Variants in POTED observed in about 807,000 individuals in gnomAD.
POTED encodes ANKRD26-like family B member 3.
In POTED, 7 loss-of-function variants were observed where a neutral mutation model predicts 19.0. The observed-to-expected ratio is 0.37, with a 90% CI of 0.21 to 0.69. The LOEUF (loss-of-function observed/expected upper bound fraction) is 0.69, where lower values mean the gene tolerates loss of function less well. Among genes scored for constraint, POTED ranks in the 30% least tolerant of loss-of-function variants. POTED has a pLI of 0.56. For missense variants in POTED, 54 were observed against 278.5 expected, an observed-to-expected ratio of 0.19 and a Z score of 5.74; for synonymous variants, 16 against 92.0, an observed-to-expected ratio of 0.17 and a Z score of 4.73.
intron 3 of POTED, among the ~76,000 whole-genome samples, chr21:13,616,177 CTGT>C (rs1453086649): frequency 2.4e-5 from 2 of 83,818 alleles, no homozygotes; most frequent in South Asian, 7.8e-4. Flanking sequence ...TGTGTTGTTA[CTGT>C]TGTTCATTCA....
chr21:13,610,531 G>T lies in POTED; in HGVS notation c.303G>T (p.Trp101Cys), dbSNP rs1340762511. The T allele has an allele frequency of 4.7e-6, 5 of 1,068,602 alleles. 1 individual carries two copies. The highest frequency in any genetic ancestry group is 6.0e-6 in the Non-Finnish European group (5 of 827,818). The allele number at this position is 1,068,602 out of a possible 1,614,324, so 66.2% of individuals were successfully genotyped here. A position where few individuals can be genotyped will look rare whatever the true frequency, so the allele number is the denominator to read the frequency against. Residue 101 changes from tryptophan (W) to cysteine (C), a missense_variant, in exon 1 of 11, where the codon TGG becomes TGT. Physicochemically the swap from Trp to Cys is radical, Grantham distance 215. Coordinates refer to ENST00000299443, the MANE Select transcript of POTED (RefSeq NM_174981.6). ...MKMLRSKMGKWCCHCFPCCRG... is the reference protein window; with the variant it reads ...MKMLRSKMGKCCCHCFPCCRG... The stretch of plus-strand genomic sequence containing the variant: ...TGCTCAGGAGCAAGATGGGCAAGTG[G>T]TGCTGTCACTGCTTCCCCTGCTGCA...
At chr21:13,636,411 T>A (rs2011234670) in intron 9 of POTED, among the ~76,000 whole-genome samples, 1 of 73,954 alleles carries the variant, frequency 1.4e-5, no homozygotes, top group Non-Finnish European at 2.3e-5. Context: ...ACTCTCTTTT[T>A]AAATTCCTTT....
At position 13,610,796 on chromosome 21, in the gene POTED, G is replaced by A. The variant is rs1274605940; in HGVS notation, c.521+47G>A. ...GGAGGCAGGACATGGGGGGATGATG[G>A]GGACATACCCTCCTGGCGCAGGGAG... On this transcript the variant is annotated intron_variant, in intron 1 of 10. Coordinates refer to ENST00000299443, the MANE Select transcript of POTED (RefSeq NM_174981.6). 2 of 1,063,844 alleles carry A rather than the reference G, an allele frequency of 1.9e-6. 1 individual carries two copies. The highest frequency in any genetic ancestry group is 2.4e-6 in the Non-Finnish European group (2 of 823,234). 65.9% of individuals were successfully genotyped at this position (1,063,844 alleles called of 1,614,324 possible).
chr21:13,616,138 TTG>T (rs61117870), intron 3 of POTED, among the ~76,000 whole-genome samples: 2,586 of 84,464 alleles, frequency 0.031, 663 homozygotes, highest in African/African-American at 0.11. Flanking sequence ...CATGAAGAGG[TTG>T]TGTGTGTGTG....
At position 13,643,661 on chromosome 21, in the gene POTED, C is replaced by T. The variant is rs1310383805; in HGVS notation, c.*2095C>T. The stretch of plus-strand genomic sequence containing the variant: ...GCCACACCTGCTTAGAGGGCACTTT[C>T]GGGTGCCCACACCATAGCTTCTGTA... On this transcript the variant is annotated 3_prime_UTR_variant, in exon 11 of 11. Transcript: ENST00000299443. 5.1e-4 allele frequency among the ~76,000 whole-genome samples: 36 copies of T among 70,686 alleles called. 8 individuals carry two copies. Among genetic ancestry groups the T allele is most frequent in the Admixed American group, 3.7e-3 (31 of 8,490 alleles). The allele number at this position is 70,686 out of a possible 152,430, so 46.4% of individuals were successfully genotyped here.
intron 9 of POTED, among the ~76,000 whole-genome samples, chr21:13,636,611 A>G (rs1464229454): frequency 1.3e-5 from 1 of 79,118 alleles, no homozygotes; most frequent in Non-Finnish European, 2.2e-5. Context: ...AAAAATTGCT[A>G]TCTTTGAAAT....
In POTED at chr21:13,640,767, G is replaced by A. The variant is rs965254387; in HGVS notation, c.1534-578G>A. Reference sequence around the variant, plus strand: ...AGAATCGTGATCCTAAATGAGTTGAGTGTTGTATGTAGAAGTGCAATGCTT... The same window carrying A: ...AGAATCGTGATCCTAAATGAGTTGAATGTTGTATGTAGAAGTGCAATGCTT... On this transcript the variant is annotated intron_variant, in intron 10 of 10. Transcript: ENST00000299443. Among the ~76,000 whole-genome samples the A allele has an allele frequency of 1.0e-4, 3 of 29,880 alleles. 1 individual carries two copies. The highest frequency in any genetic ancestry group is 9.4e-4 in the Admixed American group (3 of 3,204). 19.6% of individuals were successfully genotyped at this position (29,880 alleles called of 152,430 possible).
intron 6 of POTED, among the ~76,000 whole-genome samples, chr21:13,627,345 A>T (rs1340855576): frequency 2.6e-5 from 1 of 39,020 alleles, no homozygotes; most frequent in Non-Finnish European, 4.2e-5. Context: ...CAGGAGAATG[A>T]GACAGAAGAA....
intron 1 of POTED, among the ~76,000 whole-genome samples, chr21:13,611,143 A>G (rs1330123461): frequency 2.5e-5 from 2 of 79,240 alleles, no homozygotes; most frequent in African/African-American, 9.9e-5. Flanking sequence ...AATAAAATCC[A>G]ATATGGATTT....
At chr21:13,637,580 G>T in intron 9 of POTED, among the ~76,000 whole-genome samples, 1 of 65,872 alleles carries the variant, frequency 1.5e-5, no homozygotes, top group Non-Finnish European at 2.6e-5. Flanking sequence ...TAGGTTGTTG[G>T]CTCACTTTGA....
In POTED at chr21:13,635,132, C is replaced by T. The variant is rs1250280111; in HGVS notation, c.1409+4025C>T. Reference sequence around the variant, plus strand: ...GGGTTTTTATTTTTCACTACCATATCCTCACTGCCTAGAAAAAGGCCTAGC... The same window carrying T: ...GGGTTTTTATTTTTCACTACCATATTCTCACTGCCTAGAAAAAGGCCTAGC... On this transcript the variant is annotated intron_variant, in intron 9 of 10. Coordinates refer to ENST00000299443, the MANE Select transcript of POTED (RefSeq NM_174981.6). Among the ~76,000 whole-genome samples the T allele has an allele frequency of 2.5e-5, 2 of 81,586 alleles. 1 individual carries two copies. Among genetic ancestry groups the T allele is most frequent in the Non-Finnish European group, 4.3e-5 (2 of 46,308 alleles). 53.5% of individuals were successfully genotyped at this position (81,586 alleles called of 152,430 possible).
In POTED at chr21:13,637,290, T is replaced by G. The variant is rs544882960; in HGVS notation, c.1410-2225T>G. On this transcript the variant is annotated intron_variant, in intron 9 of 10. Transcript: ENST00000299443. ...TCACCACATCCACACCAACATCTGC[T>G]GTTTTTTTTATTTTAGTAGTGACCA... 7.8e-3 allele frequency among the ~76,000 whole-genome samples: 566 copies of G among 72,984 alleles called. 255 individuals are homozygous for G. Among genetic ancestry groups the G allele is most frequent in the African/African-American group, 0.059 (534 of 8,990 alleles). The allele number at this position is 72,984 out of a possible 152,430, so 47.9% of individuals were successfully genotyped here. A position where few individuals can be genotyped will look rare whatever the true frequency, so the allele number is the denominator to read the frequency against.
chr21:13,645,352 A>G lies in POTED; in HGVS notation c.*3786A>G, dbSNP rs550497058. Among the ~76,000 whole-genome samples, 1,680 of 131,682 alleles carry G rather than the reference A, an allele frequency of 0.013. 271 individuals are homozygous for G. The highest frequency in any genetic ancestry group is 0.05 in the African/African-American group (1,611 of 32,036). The allele number at this position is 131,682 out of a possible 152,430, so 86.4% of individuals were successfully genotyped here. ...TTAAAGGCAGCTAGGGAGAAAGGCA[A>G]CATCACCTGCAAAGGGAATTCCATC... On this transcript the variant is annotated 3_prime_UTR_variant, in exon 11 of 11. Transcript: ENST00000299443.
chr21:13,619,403 A>G (rs76984047), intron 4 of POTED, among the ~76,000 whole-genome samples: 2 of 80,752 alleles, frequency 2.5e-5, no homozygotes, highest in Non-Finnish European at 4.5e-5. Context: ...CATGTACCCT[A>G]AAACTTAAAG....
At chr21:13,631,142 A>G (rs777632712) in intron 9 of POTED, 35 bp downstream of exon 9, 6 of 424,610 alleles carry the variant, frequency 1.4e-5, no homozygotes, top group East Asian at 1.3e-4. Flanking sequence ...GGAGATAACT[A>G]TATGCTGTCA....
rs2011159646 is a variant in POTED at position 13,617,457 on chromosome 21, C to T, written c.811-892C>T. 2.6e-5 allele frequency among the ~76,000 whole-genome samples: 2 copies of T among 77,512 alleles called. 1 individual carries two copies. The highest frequency in any genetic ancestry group is 1.6e-3 in the East Asian group (2 of 1,250). 50.9% of individuals were successfully genotyped at this position (77,512 alleles called of 152,430 possible). The stretch of plus-strand genomic sequence containing the variant: ...CAGAATAATAGCTTTTCCTTTCTAC[C>T]ATCAGTTATTCACTGCCATTCAGAA... On this transcript the variant is annotated intron_variant, in intron 3 of 10. Transcript: ENST00000299443.
intron 3 of POTED, among the ~76,000 whole-genome samples, chr21:13,617,357 A>G (rs2011159275): frequency 1.2e-5 from 1 of 80,944 alleles, no homozygotes; most frequent in East Asian, 7.6e-4. Flanking sequence ...GTGAGCCACC[A>G]TTCTTGGCCT....
chr21:13,637,004 A>ATTTTTTT (rs1208399825), intron 9 of POTED, among the ~76,000 whole-genome samples: 1 of 16,464 alleles, frequency 6.1e-5, no homozygotes, highest in African/African-American at 8.8e-4. Context: ...ATATATATAT[A>ATTTTTTT]TTTTTTTTTT....
chr21:13,637,004 A>ATTTTT (rs1208399825), intron 9 of POTED, among the ~76,000 whole-genome samples: 1 of 16,458 alleles, frequency 6.1e-5, no homozygotes, highest in Non-Finnish European at 9.7e-5. Context: ...ATATATATAT[A>ATTTTT]TTTTTTTTTT....
Sources: gnomAD v4.1 joint callset for allele counts (sites outside exome capture counted in the v4.1 genomes callset) on GRCh38, gnomAD v4.1.1 for gene constraint, MANE v1.5 for transcripts, NCBI Gene and HGNC (gene_info 2026-07-23, HGNC 2026-07-21) for gene names.